The following KLHL5 variants were observed in gnomAD, a reference collection of about 807,000 sequenced individuals.
KLHL5 encodes the protein kelch like family member 5, also known as kelch-like protein 5.
A neutral mutation model predicts 77.7 loss-of-function variants in KLHL5; 48 were observed. That is an observed-to-expected ratio of 0.62 (90% CI 0.49 to 0.79). The LOEUF is 0.79. Among genes scored for constraint, KLHL5 ranks in the 30% least tolerant of loss-of-function variants. The pLI, the probability that KLHL5 is intolerant of heterozygous loss-of-function variation, is 0.00. For synonymous variants in KLHL5, 260 were observed against 297.0 expected (o/e 0.88, Z 1.28); for missense variants, 723 against 859.7 (o/e 0.84, Z 1.99).
In KLHL5 at chr4:39,112,916, T is replaced by C. The variant is rs1270467375; in HGVS notation, c.1689-104T>C. On this transcript the variant is annotated intron_variant, in intron 8 of 10. Coordinates refer to ENST00000504108, the MANE Select transcript of KLHL5 (RefSeq NM_015990.5). ...ACACATTGACAGTGTGTTTTATAAC[T>C]GATGGCACCTTAAATTCAATGAGAT... 1.2e-5 allele frequency: 12 copies of C among 971,802 alleles called. No homozygotes were observed. In the East Asian group the frequency reaches 2.3e-4, roughly 18 times the overall value. 60.2% of individuals were successfully genotyped at this position (971,802 alleles called of 1,614,324 possible).
intron 1 of KLHL5, among the ~76,000 whole-genome samples, chr4:39,071,596 G>A (rs1718485405): frequency 6.6e-6 from 1 of 152,190 alleles, no homozygotes; most frequent in Non-Finnish European, 1.5e-5. Flanking sequence ...CAGATATGGA[G>A]CTTGACTCTT....
At chr4:39,126,857 T>C, downstream of KLHL5, 1 of 405,578 alleles carries the variant, frequency 2.5e-6, no homozygotes, top group Non-Finnish European at 4.8e-6. Context: ...ATGTATTTAA[T>C]GTAAGTAACT....
At chr4:39,141,711 G>A in the KLHL5 span, among the ~76,000 whole-genome samples, 118 of 152,142 alleles carry the variant, frequency 7.8e-4, no homozygotes, top group Admixed American at 1.7e-3. Flanking sequence ...GCTGAGGCAG[G>A]AGGAACACTT....
chr4:39,107,615 T>C lies in KLHL5; in HGVS notation c.1572T>C (p.Asp524=). The change falls in exon 8 of 11, where the codon GAT becomes GAC. Residue 524 remains aspartate (D), a synonymous_variant. Transcript: ENST00000504108. ...EGPMYAVGGH[D]GWSYLNTVER... ...CCATGTATGCCGTAGGAGGACATGA[T>C]GGCTGGAGCTATCTGAACACAGTGG... 1 of 1,612,560 alleles carries C rather than the reference T, an allele frequency of 6.2e-7. No individual in the cohort carries two copies.
intron 6 of KLHL5, among the ~76,000 whole-genome samples, chr4:39,101,977 C>CATATAT (rs10565740): frequency 6.9e-6 from 1 of 145,752 alleles, no homozygotes; most frequent in South Asian, 2.1e-4. Context: ...TATATGTATA[C>CATATAT]ATATATATAT....
chr4:39,045,254 C>G (rs1380587724), intron 1 of KLHL5, among the ~76,000 whole-genome samples: 1 of 150,360 alleles, frequency 6.7e-6, no homozygotes, highest in Non-Finnish European at 1.5e-5. Flanking sequence ...GCCCTCGGGT[C>G]CGGAGGGGCT....
intron 1 of KLHL5, among the ~76,000 whole-genome samples, chr4:39,075,175 T>C (rs1718892427): frequency 6.6e-6 from 1 of 151,708 alleles, no homozygotes; most frequent in Non-Finnish European, 1.5e-5. Context: ...CTACTAAAAA[T>C]ACAAAAGTAG....
At chr4:39,086,904 CTTTTTTTT>C (rs71643263) in intron 5 of KLHL5, among the ~76,000 whole-genome samples, 177 bp downstream of exon 5, 1 of 78,346 alleles carries the variant, frequency 1.3e-5, no homozygotes, top group Admixed American at 1.9e-4. Context: ...AAGTAACATT[CTTTTTTTT>C]TTTTTTTTTT....
intron 6 of KLHL5, among the ~76,000 whole-genome samples, chr4:39,101,873 T>C (rs1488278298): frequency 1.3e-4 from 18 of 135,258 alleles, no homozygotes; most frequent in African/African-American, 4.7e-4. Context: ...TATATATATA[T>C]ATATACACAC....
chr4:39,063,365 T>A (rs2566130), intron 1 of KLHL5, among the ~76,000 whole-genome samples: 110,109 of 151,948 alleles, frequency 0.72, 40,078 homozygotes, highest in East Asian at 0.82. Flanking sequence ...TCTATATTCA[T>A]ATCAAAACTA....
At chr4:39,138,519 G>A in the KLHL5 span, among the ~76,000 whole-genome samples, 1 of 152,180 alleles carries the variant, frequency 6.6e-6, no homozygotes, top group African/African-American at 2.4e-5. Context: ...ACCAAATACT[G>A]GATGTTCTCA....
chr4:39,090,123 T>A (rs186956962), intron 5 of KLHL5, among the ~76,000 whole-genome samples: 2 of 152,308 alleles, frequency 1.3e-5, no homozygotes, highest in East Asian at 3.9e-4. Context: ...ATTCGGTATG[T>A]TTTATTTTAA....
the KLHL5 span, among the ~76,000 whole-genome samples, chr4:39,132,513 T>C: frequency 6.6e-6 from 1 of 151,796 alleles, no homozygotes; most frequent in African/African-American, 2.4e-5. Context: ...GGAGGCTGAG[T>C]TGGGAGGCTC....
At chr4:39,112,948 A>G (rs955994483) in intron 8 of KLHL5, 72 bp from the exon 9 acceptor site, 1 of 1,337,528 alleles carries the variant, frequency 7.5e-7, no homozygotes, top group Non-Finnish European at 1.0e-6. Context: ...AGATAACAAC[A>G]TAAGAAGAGC....
chr4:39,104,110 A>G (rs145892177), intron 7 of KLHL5, among the ~76,000 whole-genome samples: 1 of 152,240 alleles, frequency 6.6e-6, no homozygotes, highest in East Asian at 1.9e-4. Flanking sequence ...GAGTAATGAA[A>G]ACTCTCTAGG....
the KLHL5 span, among the ~76,000 whole-genome samples, chr4:39,142,289 G>A: frequency 1.4e-3 from 215 of 152,006 alleles, 1 homozygote; most frequent in African/African-American, 4.9e-3. Context: ...TAGCTACTCC[G>A]GAGGCTGAGG....
At position 39,062,680 on chromosome 4, in the gene KLHL5, G is replaced by A. The variant is rs1168805168; in HGVS notation, c.28G>A (p.Val10Met). 2 of 1,614,112 alleles carry A rather than the reference G, an allele frequency of 1.2e-6. No individual in the cohort carries two copies. The highest frequency in any genetic ancestry group is 1.1e-5 in the South Asian group (1 of 91,080). The change falls in exon 1 of 11, where the codon GTG (valine) becomes ATG (methionine). Residue 10 changes from valine (V) to methionine (M), a missense_variant. This residue lies in a region of KLHL5 where 221 missense variants were observed against 222.1 expected (regional missense o/e 1.00). Transcript: ENST00000504108. ...GTCTGGTTCTCGTAAAGAGTTTGAT[G>A]TGAAACAGATTTTGAAAATCAGATG... MSGSRKEFDVKQILKIRWRW... is the reference protein window; with the variant it reads MSGSRKEFDMKQILKIRWRW...
downstream of KLHL5, among the ~76,000 whole-genome samples, chr4:39,131,240 T>C (rs1466615712): frequency 6.6e-6 from 1 of 152,124 alleles, no homozygotes; most frequent in Non-Finnish European, 1.5e-5. Flanking sequence ...GTGCAAGATA[T>C]ACAATTTAAT....
In KLHL5 at chr4:39,062,553, G is replaced by A; in HGVS notation, c.-100G>A. The A allele has an allele frequency of 6.2e-7, 1 of 1,612,810 alleles. No individual in the cohort carries two copies. The highest frequency in any genetic ancestry group is 8.5e-7 in the Non-Finnish European group (1 of 1,178,934). ...ATTTTCCTTTACATATTTTTGTTGT[G>A]TACAGCAGGGCATATACTTCTCTTG... On this transcript the variant is annotated 5_prime_UTR_variant, in exon 1 of 11. Transcript: ENST00000504108.
Sources: gnomAD v4.1 joint callset for allele counts (sites outside exome capture counted in the v4.1 genomes callset) on GRCh38, gnomAD v4.1.1 for gene constraint, gnomAD v4.1.1 regional missense constraint, MANE v1.5 for transcripts, NCBI Gene and HGNC (gene_info 2026-07-23, HGNC 2026-07-21) for gene names.